Variants in RARS1 observed in about 807,000 individuals in gnomAD.
The protein encoded by RARS1 is arginine--tRNA ligase, cytoplasmic.
RARS1 carries 75 observed loss-of-function variants against 78.7 expected under a neutral mutation model. That is an observed-to-expected ratio of 0.95 (90% CI 0.79 to 1.15). The LOEUF (loss-of-function observed/expected upper bound fraction) is 1.15, where lower values mean the gene tolerates loss of function less well. Ranked by LOEUF, RARS1 falls within the 50% of genes most tolerant of loss-of-function variation. RARS1 has a pLI of 0.00. For missense variants in RARS1, 787 were observed against 787.5 expected (o/e 1.00, Z 0.01); for synonymous variants, 273 against 268.2 (o/e 1.02, Z -0.18).
chr5:168,504,142 G>A (rs1435771783), intron 9 of RARS1, among the ~76,000 whole-genome samples: 1 of 151,980 alleles, frequency 6.6e-6, no homozygotes, highest in Non-Finnish European at 1.5e-5. Context: ...AGCACTTTGG[G>A]AGGCTGAGGT....
chr5:168,510,504 C>A, intron 11 of RARS1, 77 bp from the exon 12 acceptor site: 1 of 1,149,154 alleles, frequency 8.7e-7, no homozygotes, highest in Non-Finnish European at 1.3e-6. Flanking sequence ...GGTCAGGTCT[C>A]TCAAACCTTC....
At chr5:168,498,369 A>T (rs772349313) in intron 7 of RARS1, among the ~76,000 whole-genome samples, 1 of 152,210 alleles carries the variant, frequency 6.6e-6, no homozygotes, top group Non-Finnish European at 1.5e-5. Context: ...GATTAAATGT[A>T]TGTAAAAACA....
rs1385716885 is a variant in RARS1 at position 168,497,279 on chromosome 5, C to T, written c.753C>T (p.His251=). ...CCCAGTTTGGCATGCTCATCGCTCA[C>T]CTGCAAGACAAATTTCCAGATTATC... ...WGTQFGMLIA[H]LQDKFPDYLT... The change falls in exon 7 of 15, where the codon CAC becomes CAT. Residue 251 remains histidine (H), a synonymous_variant. Coordinates refer to ENST00000231572, the MANE Select transcript of RARS1 (RefSeq NM_002887.4). 6.9e-6 allele frequency: 11 copies of T among 1,591,620 alleles called. No homozygotes were observed. Among genetic ancestry groups the T allele is most frequent in the African/African-American group, 6.7e-5 (5 of 74,518 alleles).
In RARS1 at chr5:168,494,549, G is replaced by C; in HGVS notation, c.479-1G>C. 6.2e-7 allele frequency: 1 copy of C among 1,607,870 alleles called. No individual in the cohort carries two copies. Among genetic ancestry groups the C allele is most frequent in the Non-Finnish European group, 8.5e-7 (1 of 1,174,708 alleles). On this transcript the variant is annotated splice_acceptor_variant, in intron 4 of 14. Transcript: ENST00000231572. LOFTEE classifies it high-confidence loss of function. ...GATATTTTTTCTCTTCTATCCATTA[G>C]GTTTTATTAATGTCCACTTAAGAAA...
At chr5:168,504,375 T>C (rs1027077042) in intron 9 of RARS1, among the ~76,000 whole-genome samples, 5 of 150,684 alleles carry the variant, frequency 3.3e-5, no homozygotes, top group African/African-American at 7.3e-5. Context: ...ATACAAAAAA[T>C]TAGCTGGTGT....
At chr5:168,496,741 C>T (rs898763944) in intron 6 of RARS1, among the ~76,000 whole-genome samples, 9 of 152,268 alleles carry the variant, frequency 5.9e-5, no homozygotes, top group Non-Finnish European at 1.3e-4. Context: ...GCCTCAGCCT[C>T]CCATAGTGCT....
intron 8 of RARS1, among the ~76,000 whole-genome samples, chr5:168,501,415 T>C (rs1758318071): frequency 6.7e-6 from 1 of 149,318 alleles, no homozygotes; most frequent in South Asian, 2.1e-4. Flanking sequence ...TTTACATTTT[T>C]TAAGAATTAA....
intron 11 of RARS1, among the ~76,000 whole-genome samples, chr5:168,507,449 G>A (rs1263513983): frequency 6.6e-6 from 1 of 152,082 alleles, no homozygotes; most frequent in Non-Finnish European, 1.5e-5. Context: ...GTAACCTCCT[G>A]TATTCACTGG....
chr5:168,497,167 A>G (rs1758211077), intron 6 of RARS1, 61 bp from the exon 7 acceptor site: 1 of 1,248,790 alleles, frequency 8.0e-7, no homozygotes, highest in African/African-American at 1.5e-5. Flanking sequence ...TAGTTCCTCT[A>G]ATTTAACTTA....
At chr5:168,492,994 G>A (rs947928224) in intron 3 of RARS1, 147 bp downstream of exon 3, 20 of 751,852 alleles carry the variant, frequency 2.7e-5, no homozygotes, top group Non-Finnish European at 3.7e-5. Context: ...AAGGAGTTGG[G>A]GGGGTATATG....
chr5:168,511,541 A>G (rs73316530), intron 12 of RARS1, among the ~76,000 whole-genome samples: 6,247 of 152,220 alleles, frequency 0.041, 428 homozygotes, highest in Admixed American at 0.18. Context: ...TCACTGGTCT[A>G]GGCACATCTG....
At chr5:168,519,059 CA>C (rs748414846) in intron 14 of RARS1, 21 bp from the exon 15 acceptor site, 44 of 1,577,188 alleles carry the variant, frequency 2.8e-5, no homozygotes, top group East Asian at 2.7e-4. Flanking sequence ...AGTTAATTAA[CA>C]ACTTTTTTCT....
chr5:168,488,528 A>G (rs1001884533), intron 1 of RARS1, 74 bp from the exon 2 acceptor site: 23 of 1,466,266 alleles, frequency 1.6e-5, no homozygotes, highest in Non-Finnish European at 1.8e-5. Flanking sequence ...CCCATGGTCT[A>G]TGCCACGCCT....
rs2152903789 is a variant in RARS1 at position 168,493,666 on chromosome 5, A to G, written c.370-228A>G. ...AAAAAAAAAAAAAATAGTTCCAGGTATTTGTGTGTAACGTATTTGGAAATA... is the reference window on the plus strand; with the variant it reads ...AAAAAAAAAAAAAATAGTTCCAGGTGTTTGTGTGTAACGTATTTGGAAATA... On this transcript the variant is annotated intron_variant, in intron 3 of 14. Transcript: ENST00000231572. 3.3e-5 allele frequency among the ~76,000 whole-genome samples: 5 copies of G among 150,392 alleles called. No individual in the cohort carries two copies. In the Middle Eastern group the frequency reaches 0.014, roughly 424 times the overall value.
chr5:168,488,551 G>A, intron 1 of RARS1, 51 bp from the exon 2 acceptor site: 1 of 1,557,272 alleles, frequency 6.4e-7, no homozygotes, highest in Non-Finnish European at 8.7e-7. Context: ...GTAGAGAGGG[G>A]AAATGTGGAA....
intron 13 of RARS1, 149 bp from the exon 14 acceptor site, chr5:168,517,666 T>C: frequency 2.0e-6 from 2 of 1,010,968 alleles, no homozygotes; most frequent in Non-Finnish European, 2.7e-6. Context: ...GATCTGGCTA[T>C]TAGTTTTGCC....
At chr5:168,495,499 G>T in intron 6 of RARS1, 63 bp downstream of exon 6, 1 of 1,551,726 alleles carries the variant, frequency 6.4e-7, no homozygotes, top group Non-Finnish European at 8.8e-7. Flanking sequence ...AAATTCTATA[G>T]AACATGGAAT....
chr5:168,502,926 T>G (rs1758361414), intron 9 of RARS1, among the ~76,000 whole-genome samples: 1 of 152,220 alleles, frequency 6.6e-6, no homozygotes, highest in African/African-American at 2.4e-5. Flanking sequence ...AATCTGAGGT[T>G]TCTCCCTCTT....
intron 12 of RARS1, among the ~76,000 whole-genome samples, chr5:168,512,853 AC>A (rs1278057500): frequency 6.6e-6 from 1 of 152,162 alleles, no homozygotes; most frequent in African/African-American, 2.4e-5. Flanking sequence ...TCACAGACAC[AC>A]CCAGGATCAA....
Sources: gnomAD v4.1 joint callset for allele counts (sites outside exome capture counted in the v4.1 genomes callset) on GRCh38, gnomAD v4.1.1 for gene constraint, MANE v1.5 for transcripts, NCBI Gene and HGNC (gene_info 2026-07-23, HGNC 2026-07-21) for gene names.